The following HECTD4 variants were observed in gnomAD, a reference collection of about 807,000 sequenced individuals.
HECTD4 encodes the protein HECT domain E3 ubiquitin protein ligase 4.
A neutral mutation model predicts 471.5 loss-of-function variants in HECTD4; 114 were observed. The ratio of observed to expected loss-of-function variants is 0.24; its 90% confidence interval spans 0.21 to 0.28. The LOEUF (loss-of-function observed/expected upper bound fraction) is 0.28, where lower values mean the gene tolerates loss of function less well. HECTD4 is among the 10% of genes least tolerant of loss of function. The pLI is 1.00. For synonymous variants in HECTD4, 2,012 were observed against 2,256.0 expected, an observed-to-expected ratio of 0.89 and a Z score of 3.07; for missense variants, 3,866 against 5,651.5, an observed-to-expected ratio of 0.68 and a Z score of 10.13.
chr12:112,165,785 C>G (rs1289430390), intron 72 of HECTD4, among the ~76,000 whole-genome samples: 2 of 152,224 alleles, frequency 1.3e-5, no homozygotes, highest in Non-Finnish European at 2.9e-5. Context: ...CATATGGCGA[C>G]CAGGATCAGC....
chr12:112,311,526 C>T (rs1482384829), intron 4 of HECTD4, among the ~76,000 whole-genome samples: 8 of 148,688 alleles, frequency 5.4e-5, no homozygotes, highest in Non-Finnish European at 8.9e-5. Flanking sequence ...CAGGTGGCTA[C>T]GGTGGAAGGA....
intron 55 of HECTD4, among the ~76,000 whole-genome samples, chr12:112,199,529 A>G (rs984529299): frequency 2.0e-5 from 3 of 152,208 alleles, no homozygotes. Flanking sequence ...ACAGCATGAA[A>G]AATAGTTTCT....
rs111958992 is a variant in HECTD4 at position 112,229,327 on chromosome 12, A to AAAACAAAC, written c.6519+363_6519+370dup. On this transcript the variant is annotated intron_variant, in intron 41 of 75. Transcript: ENST00000682272. ...GGGGAACAGAGCAAGACTCTGTCTC[A>AAAACAAAC]AAACAAACAAACAAACAAACAAACA... Among the ~76,000 whole-genome samples, 505 of 151,326 alleles carry AAAACAAAC rather than the reference A, an allele frequency of 3.3e-3. 4 individuals carry two copies. Among genetic ancestry groups the AAAACAAAC allele is most frequent in the African/African-American group, 0.011 (456 of 41,026 alleles).
intron 22 of HECTD4, 129 bp from the exon 23 acceptor site, chr12:112,252,657 T>C (rs1424837025): frequency 9.1e-7 from 1 of 1,096,218 alleles, no homozygotes; most frequent in Admixed American, 2.4e-5. Flanking sequence ...TCTCATTTGC[T>C]TTTTGATTCA....
intron 1 of HECTD4, among the ~76,000 whole-genome samples, chr12:112,358,893 C>T (rs999116781): frequency 5.9e-5 from 9 of 152,030 alleles, no homozygotes; most frequent in Admixed American, 2.6e-4. Context: ...TAAGAACGGC[C>T]GGCCGGGCGC....
Position 112,185,266 on chromosome 12 carries a change from C to T in HECTD4, c.9700G>A (p.Gly3234Ser), listed in dbSNP as rs369100367. 7.4e-5 allele frequency: 115 copies of T among 1,550,318 alleles called. No individual in the cohort carries two copies. The African/African-American group carries it at 1.1e-3, about 14-fold the overall frequency. ...DEETQNWVSG[G>S]ACGGSGGAAA... ...GCCCCCCCGGAGCCCCCGCAGGCGC[C>T]GCCTGAGACCCAGTTCTGCGTCTCC... The change falls in exon 61 of 76, where the codon GGC becomes AGC. Residue 3234 changes from glycine (G) to serine (S), a missense_variant. By Grantham distance (56) the Gly-to-Ser change is moderately conservative. This residue lies in a region of HECTD4 where 364 missense variants were observed against 413.2 expected (regional missense o/e 0.88). Coordinates refer to ENST00000682272, the MANE Select transcript of HECTD4 (RefSeq NM_001388303.1).
At chr12:112,291,222 C>G (rs1034751713) in intron 7 of HECTD4, among the ~76,000 whole-genome samples, 1 of 151,894 alleles carries the variant, frequency 6.6e-6, no homozygotes, top group African/African-American at 2.4e-5. Flanking sequence ...TAGTAATATC[C>G]GCTTACTATC....
intron 2 of HECTD4, among the ~76,000 whole-genome samples, chr12:112,318,649 C>A (rs1287935443): frequency 6.6e-6 from 1 of 152,204 alleles, no homozygotes; most frequent in Non-Finnish European, 1.5e-5. Flanking sequence ...GCTAGGATTA[C>A]AAGCGTGAGC....
chr12:112,253,214 TC>T (rs993598618), intron 22 of HECTD4, among the ~76,000 whole-genome samples: 1 of 152,042 alleles, frequency 6.6e-6, no homozygotes, highest in Non-Finnish European at 1.5e-5. Context: ...AACCTCCACC[TC>T]CTGGGTTTAA....
intron 7 of HECTD4, among the ~76,000 whole-genome samples, chr12:112,301,378 T>C (rs1453300005): frequency 6.6e-6 from 1 of 151,754 alleles, no homozygotes; most frequent in Non-Finnish European, 1.5e-5. Flanking sequence ...GGGACAAGGT[T>C]TCACCACGTT....
At chr12:112,316,604 A>C (rs1298360588) in intron 2 of HECTD4, among the ~76,000 whole-genome samples, 2 of 152,172 alleles carry the variant, frequency 1.3e-5, no homozygotes, top group African/African-American at 2.4e-5. Context: ...TGAGGTAAGA[A>C]ACCTAGAATC....
chr12:112,366,932 ATT>A (rs201645230), intron 1 of HECTD4, among the ~76,000 whole-genome samples: 1 of 146,736 alleles, frequency 6.8e-6, no homozygotes. Context: ...GCTTGTTACT[ATT>A]TTTTTTTTGT....
intron 1 of HECTD4, among the ~76,000 whole-genome samples, chr12:112,338,708 G>A (rs951687511): frequency 6.6e-6 from 1 of 152,176 alleles, no homozygotes; most frequent in Non-Finnish European, 1.5e-5. Flanking sequence ...TCACAGTTCT[G>A]CAGGCTGTAC....
At chr12:112,170,846 T>C (rs961995779) in intron 68 of HECTD4, 10 of 480,554 alleles carry the variant, frequency 2.1e-5, no homozygotes, top group Admixed American at 3.8e-5. Context: ...GGAGGCCAGA[T>C]AGTAAACAGA....
intron 60 of HECTD4, among the ~76,000 whole-genome samples, chr12:112,189,015 C>T (rs1593911596): frequency 6.6e-6 from 1 of 152,188 alleles, no homozygotes; most frequent in Non-Finnish European, 1.5e-5. Context: ...CTGCTTACGT[C>T]CCCCCTATCC....
At chr12:112,314,996 A>G (rs973775046) in intron 2 of HECTD4, among the ~76,000 whole-genome samples, 2 of 152,220 alleles carry the variant, frequency 1.3e-5, no homozygotes, top group Non-Finnish European at 2.9e-5. Context: ...ATTAAATATG[A>G]CCAAAAAGAA....
intron 62 of HECTD4, among the ~76,000 whole-genome samples, chr12:112,180,785 A>T (rs927677960): frequency 6.6e-6 from 1 of 152,128 alleles, no homozygotes; most frequent in Non-Finnish European, 1.5e-5. Flanking sequence ...GGCAGCTGAG[A>T]GCTGAGGGGG....
chr12:112,226,217 ACACT>A (rs917089665), intron 44 of HECTD4, among the ~76,000 whole-genome samples: 12 of 152,128 alleles, frequency 7.9e-5, no homozygotes, highest in South Asian at 4.2e-4. Context: ...ACTCACACAC[ACACT>A]CACACACACA....
chr12:112,304,806 G>C (rs1171736497), intron 7 of HECTD4, among the ~76,000 whole-genome samples: 1 of 152,162 alleles, frequency 6.6e-6, no homozygotes, highest in Admixed American at 6.5e-5. Flanking sequence ...AGATTCAATA[G>C]AAAAATAACC....
Sources: gnomAD v4.1 joint callset for allele counts (sites outside exome capture counted in the v4.1 genomes callset) on GRCh38, gnomAD v4.1.1 for gene constraint, gnomAD v4.1.1 regional missense constraint, MANE v1.5 for transcripts, NCBI Gene and HGNC (gene_info 2026-07-23, HGNC 2026-07-21) for gene names.